Variants in PLEK2 observed in about 807,000 individuals in gnomAD.
PLEK2 encodes pleckstrin 2.
In PLEK2, 29 loss-of-function variants were observed where a neutral mutation model predicts 43.8. That is an observed-to-expected ratio of 0.66 (90% CI 0.49 to 0.90). The LOEUF is 0.90. Ranked by LOEUF, PLEK2 falls within the 40% of genes least tolerant of loss-of-function variation. The pLI is 0.00. For synonymous variants in PLEK2, 162 were observed against 173.2 expected, an observed-to-expected ratio of 0.94 and a Z score of 0.51; for missense variants, 398 against 448.1, an observed-to-expected ratio of 0.89 and a Z score of 1.01.
At chr14:67,387,519 A>G in intron 8 of PLEK2, 63 bp from the exon 9 acceptor site, 2 of 1,543,130 alleles carry the variant, frequency 1.3e-6, no homozygotes, top group Non-Finnish European at 1.8e-6. Context: ...TTCATCTTGA[A>G]CCAGCAGAAA....
In PLEK2 at chr14:67,395,481, G is replaced by A. The variant is rs1006743465; in HGVS notation, c.310C>T (p.His104Tyr). Residue 104 changes from histidine (H) to tyrosine (Y), a missense_variant, in exon 3 of 9, where the codon CAT becomes TAT. His to Tyr is a moderately conservative substitution (Grantham distance 83). Transcript: ENST00000216446. ...TGGACCTTCCCCGGCTGCCCTGCAT[G>A]AATAGCCCCGGTGATCTCAAAGGCC... is the stretch of plus-strand genomic sequence containing the variant. ...AWAFEITGAI[H>Y]AGQPGKVQQL... is the part of the protein sequence containing the mutation. The A allele has an allele frequency of 3.1e-6, 5 of 1,613,982 alleles. No individual in the cohort carries two copies. In the African/African-American group the frequency reaches 6.7e-5, roughly 22 times the overall value.
chr14:67,398,982 G>T (rs934973885), intron 1 of PLEK2, among the ~76,000 whole-genome samples: 3 of 152,172 alleles, frequency 2.0e-5, no homozygotes, highest in Non-Finnish European at 2.9e-5. Context: ...TGTAACTGAG[G>T]TTGTTCCATT....
chr14:67,395,313 G>T, intron 3 of PLEK2, 89 bp downstream of exon 3: 2 of 1,156,378 alleles, frequency 1.7e-6, no homozygotes, highest in East Asian at 2.3e-5. Flanking sequence ...TGTGCAGCAA[G>T]CACAGAGCCC....
At chr14:67,407,861 T>C (rs895464615) in intron 1 of PLEK2, among the ~76,000 whole-genome samples, 14 of 152,146 alleles carry the variant, frequency 9.2e-5, no homozygotes, top group Admixed American at 6.5e-4. Flanking sequence ...TAGTCCCAGC[T>C]ACTTGGGAGG....
At chr14:67,391,897 T>C (rs1451029429) in intron 6 of PLEK2, among the ~76,000 whole-genome samples, 1 of 152,102 alleles carries the variant, frequency 6.6e-6, no homozygotes, top group African/African-American at 2.4e-5. Context: ...AAAATTGTTT[T>C]TAGCTCAGAA....
chr14:67,390,141 C>G (rs896122066), intron 7 of PLEK2, among the ~76,000 whole-genome samples: 3 of 152,160 alleles, frequency 2.0e-5, no homozygotes, highest in Non-Finnish European at 1.5e-5. Context: ...GTGGTAATAC[C>G]TAGTATCAGA....
intron 7 of PLEK2, among the ~76,000 whole-genome samples, chr14:67,389,612 A>G (rs909880674): frequency 6.6e-5 from 10 of 152,038 alleles, no homozygotes; most frequent in African/African-American, 2.4e-4. Flanking sequence ...ATTTACATGT[A>G]TATGTATTTA....
At chr14:67,392,187 G>A in intron 6 of PLEK2, 139 bp downstream of exon 6, 1 of 662,412 alleles carries the variant, frequency 1.5e-6, no homozygotes, top group East Asian at 2.6e-5. Context: ...GGAGGCTGGT[G>A]CTGGGCTCTT....
chr14:67,390,809 T>TATGC (rs2085961043), intron 6 of PLEK2, 63 bp from the exon 7 acceptor site: 1 of 1,153,060 alleles, frequency 8.7e-7, no homozygotes, highest in African/African-American at 1.5e-5. Context: ...CTCCTGTATC[T>TATGC]ATGCATGTAA....
In PLEK2 at chr14:67,395,383, C is replaced by T. The variant is rs115244900; in HGVS notation, c.389+19G>A. On this transcript the variant is annotated intron_variant, in intron 3 of 8. Coordinates refer to ENST00000216446, the MANE Select transcript of PLEK2 (RefSeq NM_016445.3). Reference sequence around the variant, plus strand: ...AGGCAGGAGAGGCTGCCACAGAGCCCGGCAAGTGGGGCACTCACTGCAGGC... The same window carrying T: ...AGGCAGGAGAGGCTGCCACAGAGCCTGGCAAGTGGGGCACTCACTGCAGGC... The T allele has an allele frequency of 0.019, 31,029 of 1,609,504 alleles. 360 individuals carry two copies. Among genetic ancestry groups the T allele is most frequent in the Middle Eastern group, 0.039 (226 of 5,856 alleles).
intron 1 of PLEK2, among the ~76,000 whole-genome samples, chr14:67,402,307 T>C (rs1334336763): frequency 6.6e-6 from 1 of 152,208 alleles, no homozygotes; most frequent in Non-Finnish European, 1.5e-5. Flanking sequence ...GGGTACATAA[T>C]AAGTATATAT....
intron 6 of PLEK2, among the ~76,000 whole-genome samples, chr14:67,391,874 C>T (rs564759321): frequency 5.9e-5 from 9 of 152,222 alleles, no homozygotes; most frequent in Non-Finnish European, 1.2e-4. Context: ...TTCAACCTAC[C>T]GACATGGTGG....
chr14:67,390,827 C>G (rs1020956828), intron 6 of PLEK2, 81 bp from the exon 7 acceptor site: 1 of 997,016 alleles, frequency 1.0e-6, no homozygotes, highest in African/African-American at 1.6e-5. Flanking sequence ...TAATGCCAAA[C>G]CCCCAACAAG....
At chr14:67,388,383 G>A in intron 7 of PLEK2, 81 bp from the exon 8 acceptor site, 1 of 844,108 alleles carries the variant, frequency 1.2e-6, no homozygotes, top group South Asian at 1.3e-5. Context: ...ACTCAGGCCA[G>A]CTAAAGAAGT....
chr14:67,390,799 C>T, intron 6 of PLEK2, 53 bp from the exon 7 acceptor site: 1 of 1,225,916 alleles, frequency 8.2e-7, no homozygotes, highest in Non-Finnish European at 1.2e-6. Flanking sequence ...ATGTCCCTCT[C>T]TCCTGTATCT....
At chr14:67,389,650 G>A (rs753790349) in intron 7 of PLEK2, among the ~76,000 whole-genome samples, 1 of 152,076 alleles carries the variant, frequency 6.6e-6, no homozygotes. Context: ...GCACGTATGT[G>A]TGTGTATATA....
chr14:67,397,852 G>C (rs775649489), intron 1 of PLEK2, 26 bp from the exon 2 acceptor site: 2 of 1,586,308 alleles, frequency 1.3e-6, no homozygotes, highest in East Asian at 2.3e-5. Context: ...AAAGCCCTGA[G>C]GTGAGGCGGT....
chr14:67,393,002 C>T (rs962420507), intron 4 of PLEK2, 148 bp downstream of exon 4: 7 of 866,298 alleles, frequency 8.1e-6, no homozygotes, highest in Non-Finnish European at 1.3e-5. Context: ...AGAGCCGTGG[C>T]TGCACACCCA....
rs544429075 is a variant in PLEK2, at chr14:67,391,151, A to G, written c.772-405T>C. ...CAAAAACAAACCTACAGCTACATGT[A>G]TATTTGTCAGTCTACACGTGTGCCC... On this transcript the variant is annotated intron_variant, in intron 6 of 8. Coordinates refer to ENST00000216446, the MANE Select transcript of PLEK2 (RefSeq NM_016445.3). Among the ~76,000 whole-genome samples, 9 of 152,314 alleles carry G rather than the reference A, an allele frequency of 5.9e-5. No homozygotes were observed. The South Asian group carries it at 1.7e-3, about 28-fold the overall frequency.
Sources: gnomAD v4.1 joint callset for allele counts (sites outside exome capture counted in the v4.1 genomes callset) on GRCh38, gnomAD v4.1.1 for gene constraint, MANE v1.5 for transcripts, NCBI Gene and HGNC (gene_info 2026-07-23, HGNC 2026-07-21) for gene names.